The following HYAL4 variants were observed in gnomAD, a reference collection of about 807,000 sequenced individuals.
HYAL4 encodes hyaluronidase 4.
In HYAL4, 37 loss-of-function variants were observed where a neutral mutation model predicts 35.2. The observed-to-expected ratio is 1.05, with a 90% CI of 0.81 to 1.38. The LOEUF (loss-of-function observed/expected upper bound fraction) is 1.38. Ranked by LOEUF, HYAL4 falls within the 40% of genes most tolerant of loss-of-function variation. HYAL4 has a pLI of 0.00. For missense variants in HYAL4, 572 were observed against 572.4 expected, an observed-to-expected ratio of 1.00 and a Z score of 0.01; for synonymous variants, 198 against 203.2, an observed-to-expected ratio of 0.97 and a Z score of 0.22.
chr7:123,837,432 T>C (rs1805981985), intron 1 of HYAL4, among the ~76,000 whole-genome samples: 1 of 152,178 alleles, frequency 6.6e-6, no homozygotes, highest in African/African-American at 2.4e-5. Context: ...TTCTACACCA[T>C]CTGTCTCTCA....
intron 1 of HYAL4, among the ~76,000 whole-genome samples, chr7:123,835,083 G>A (rs1805944760): frequency 6.6e-6 from 1 of 151,956 alleles, no homozygotes; most frequent in African/African-American, 2.4e-5. Context: ...GGATTAGGGT[G>A]ATACTGGCTT....
In HYAL4 at chr7:123,867,392, C is replaced by CA. The variant is rs762810422; in HGVS notation, c.-51-830dup. On this transcript the variant is annotated intron_variant, in intron 2 of 4. Transcript: ENST00000223026. The stretch of plus-strand genomic sequence containing the variant: ...ACAGGCAAGTGGTCAGTTAGGCAAT[C>CA]ATGATGAGTGAGGCATCTGGTGTCT... Among the ~76,000 whole-genome samples, 43 of 152,216 alleles carry CA rather than the reference C, an allele frequency of 2.8e-4. 1 individual carries two copies. The highest frequency in any genetic ancestry group is 1.2e-3 in the South Asian group (6 of 4,814).
the HYAL4 span, chr7:123,819,231 T>C: frequency 2.6e-5 from 4 of 152,620 alleles, no homozygotes; most frequent in Admixed American, 2.0e-4. Context: ...AACAAAGATA[T>C]CATTATTAAC....
upstream of HYAL4, among the ~76,000 whole-genome samples, chr7:123,825,858 A>G (rs1024232025): frequency 1.4e-4 from 21 of 151,958 alleles, no homozygotes; most frequent in African/African-American, 4.6e-4. Flanking sequence ...TTTTAACTTT[A>G]TTATTTCTTT....
the HYAL4 span, among the ~76,000 whole-genome samples, chr7:123,782,027 C>A: frequency 1.3e-5 from 2 of 152,020 alleles, no homozygotes; most frequent in Non-Finnish European, 2.9e-5. Context: ...CCCACCTCAG[C>A]CTCCTGAGTA....
chr7:123,816,639 G>T, the HYAL4 span, among the ~76,000 whole-genome samples: 2 of 151,696 alleles, frequency 1.3e-5, no homozygotes, highest in African/African-American at 2.4e-5. Context: ...AATTTTTGTG[G>T]GTACATTAGA....
the HYAL4 span, among the ~76,000 whole-genome samples, chr7:123,792,867 C>T: frequency 6.6e-6 from 1 of 152,104 alleles, no homozygotes; most frequent in East Asian, 1.9e-4. Flanking sequence ...GGTCAAGCTC[C>T]CTCCTACCAT....
At chr7:123,852,676 C>T (rs1806337580) in intron 2 of HYAL4, among the ~76,000 whole-genome samples, 1 of 152,078 alleles carries the variant, frequency 6.6e-6, no homozygotes, top group African/African-American at 2.4e-5. Flanking sequence ...AGTGTGATGC[C>T]TCCAGCTTTG....
chr7:123,769,117 G>A, the HYAL4 span, among the ~76,000 whole-genome samples: 3 of 152,196 alleles, frequency 2.0e-5, no homozygotes, highest in Non-Finnish European at 2.9e-5. Flanking sequence ...CATTACCTAT[G>A]TATGTTTAGT....
At chr7:123,831,211 A>G (rs572320416) in intron 1 of HYAL4, among the ~76,000 whole-genome samples, 1 of 152,228 alleles carries the variant, frequency 6.6e-6, no homozygotes, top group African/African-American at 2.4e-5. Flanking sequence ...TCCCTTGTCT[A>G]TGGGTTGTTA....
At chr7:123,771,537 G>A in the HYAL4 span, among the ~76,000 whole-genome samples, 6 of 151,798 alleles carry the variant, frequency 4.0e-5, no homozygotes, top group Admixed American at 3.9e-4. Context: ...CACATACATT[G>A]GCAACCTTAT....
At chr7:123,789,246 A>G in the HYAL4 span, among the ~76,000 whole-genome samples, 1 of 152,264 alleles carries the variant, frequency 6.6e-6, no homozygotes, top group East Asian at 1.9e-4. Context: ...GAAGTGATAA[A>G]TAGTATAAGA....
upstream of HYAL4, among the ~76,000 whole-genome samples, chr7:123,844,768 C>CCTCACAGTTCAATCTCAGACTGCTGT (rs1806141293): frequency 6.6e-6 from 1 of 152,142 alleles, no homozygotes; most frequent in Non-Finnish European, 1.5e-5. Context: ...CAGGCTGCTG[C>CCTCACAGTTCAATCTCAGACTGCTGT]CTCACAGTTC....
At chr7:123,871,299 C>G (rs980262612) in intron 3 of HYAL4, among the ~76,000 whole-genome samples, 1 of 151,308 alleles carries the variant, frequency 6.6e-6, no homozygotes, top group Non-Finnish European at 1.5e-5. Context: ...TCAAGTGATT[C>G]TCCTGCCTCA....
At chr7:123,786,749 T>TCTATCTATCTATCTAG in the HYAL4 span, among the ~76,000 whole-genome samples, 11 of 151,684 alleles carry the variant, frequency 7.3e-5, no homozygotes, top group African/African-American at 2.2e-4. Flanking sequence ...TATCTATCTA[T>TCTATCTATCTATCTAG]CTATCTTTCA....
At chr7:123,850,905 C>T (rs574416738) in intron 2 of HYAL4, among the ~76,000 whole-genome samples, 3 of 152,020 alleles carry the variant, frequency 2.0e-5, no homozygotes, top group East Asian at 3.9e-4. Flanking sequence ...AGGAAATTCT[C>T]TCAAGATTAC....
chr7:123,801,819 G>T, the HYAL4 span, among the ~76,000 whole-genome samples: 1 of 152,130 alleles, frequency 6.6e-6, no homozygotes, highest in East Asian at 1.9e-4. Flanking sequence ...GACAGTTTGG[G>T]GTATTAAAAT....
intron 2 of HYAL4, among the ~76,000 whole-genome samples, chr7:123,867,021 C>A (rs1216422163): frequency 2.0e-5 from 3 of 152,116 alleles, no homozygotes; most frequent in Non-Finnish European, 4.4e-5. Context: ...GATCTCTTGA[C>A]CTTGTGACCA....
the HYAL4 span, among the ~76,000 whole-genome samples, chr7:123,773,533 A>G: frequency 6.6e-6 from 1 of 152,214 alleles, no homozygotes; most frequent in Non-Finnish European, 1.5e-5. Context: ...GGGTACTTAC[A>G]TACTTTAGGG....
Sources: gnomAD v4.1 joint callset for allele counts (sites outside exome capture counted in the v4.1 genomes callset) on GRCh38, gnomAD v4.1.1 for gene constraint, MANE v1.5 for transcripts, NCBI Gene and HGNC (gene_info 2026-07-23, HGNC 2026-07-21) for gene names.